The following SPATA6L variants were observed in gnomAD, a reference collection of about 807,000 sequenced individuals.
The protein encoded by SPATA6L is spermatogenesis associated 6-like protein.
SPATA6L carries 68 observed loss-of-function variants against 49.2 expected under a neutral mutation model. That is an observed-to-expected ratio of 1.38 (90% confidence interval 1.14 to 1.69). The LOEUF (loss-of-function observed/expected upper bound fraction) is 1.69, where lower values mean the gene tolerates loss of function less well. SPATA6L is among the 40% of genes most tolerant of loss of function. SPATA6L has a pLI of 0.00. For synonymous variants in SPATA6L, 198 were observed against 165.7 expected (o/e 1.19, Z -1.50); for missense variants, 668 against 464.3 (o/e 1.44, Z -4.03).
chr9:4,616,621 T>C (rs895314176), intron 9 of SPATA6L, among the ~76,000 whole-genome samples: 1 of 152,226 alleles, frequency 6.6e-6, no homozygotes, highest in African/African-American at 2.4e-5. Flanking sequence ...ATTGCGCTCT[T>C]GTTGCCCAGG....
chr9:4,603,721 T>A (rs886392956), intron 11 of SPATA6L, among the ~76,000 whole-genome samples: 1 of 152,152 alleles, frequency 6.6e-6, no homozygotes, highest in East Asian at 1.9e-4. Context: ...AATTGTGTCA[T>A]AATTTATGAA....
Position 4,656,063 on chromosome 9 carries a change from T to G in SPATA6L, c.204A>C (p.Gly68=), listed in dbSNP as rs1838100249. The change falls in exon 3 of 12, where the codon GGA becomes GGC. Residue 68 remains glycine (G), a synonymous_variant. Coordinates refer to ENST00000682582, the MANE Select transcript of SPATA6L (RefSeq NM_001353486.2). ...TACTTTCCAAAAGGTCTACTACAGC[T>G]CCAGGATCTACTGCACTTTCAAATA... ...EKVFESAVDP[G]AVVDLLEMWD... 6.2e-7 allele frequency: 1 copy of G among 1,612,882 alleles called. No individual in the cohort carries two copies. The highest frequency in any genetic ancestry group is 1.3e-5 in the African/African-American group (1 of 74,876).
At chr9:4,609,200 C>T (rs10974649) in intron 9 of SPATA6L, among the ~76,000 whole-genome samples, 80,239 of 150,886 alleles carry the variant, frequency 0.53, 25,932 homozygotes, top group Non-Finnish European at 0.73. Flanking sequence ...GATTCACAGC[C>T]GAATTCTACC....
At chr9:4,610,602 AG>A (rs1826468836) in intron 9 of SPATA6L, among the ~76,000 whole-genome samples, 1 of 151,538 alleles carries the variant, frequency 6.6e-6, no homozygotes. Context: ...ATATGTAGAA[AG>A]CTGAAACTGG....
Position 4,662,769 on chromosome 9 carries a change from C to A in SPATA6L, c.40-733G>T, listed in dbSNP as rs759141287. 1.8e-5 allele frequency: 29 copies of A among 1,604,942 alleles called. No individual in the cohort carries two copies. The highest frequency in any genetic ancestry group is 1.9e-5 in the Non-Finnish European group (22 of 1,179,948). On this transcript the variant is annotated intron_variant, in intron 1 of 11. Transcript: ENST00000682582. The surrounding 1 kb of genome is among the most constrained non-coding windows in gnomAD (Gnocchi z 4.9). ...GAGCTCGTCGTGGGGCAGCGTGCGA[C>A]CCCTTATGAAGCTGCTGGAGATCTC...
intron 11 of SPATA6L, among the ~76,000 whole-genome samples, chr9:4,601,747 T>C (rs1268329100): frequency 6.6e-6 from 1 of 152,188 alleles, no homozygotes; most frequent in African/African-American, 2.4e-5. Context: ...CTGGGACACG[T>C]AGTGGGAGCC....
intron 13 of SPATA6L, among the ~76,000 whole-genome samples, chr9:4,591,562 C>A (rs762807502): frequency 1.3e-5 from 2 of 152,180 alleles, no homozygotes; most frequent in South Asian, 4.1e-4. Flanking sequence ...CTTCTGTCTT[C>A]CCAGCATGCC....
chr9:4,600,493 C>CAGAGAGAGAAAGAGAGAGAGAGAG lies in SPATA6L; in HGVS notation c.*317_*318insCTCTCTCTCTCTCTTTCTCTCTCT, dbSNP rs1822967406. 9.7e-5 allele frequency: 13 copies of CAGAGAGAGAAAGAGAGAGAGAGAG among 133,794 alleles called. 1 individual carries two copies. Among genetic ancestry groups the CAGAGAGAGAAAGAGAGAGAGAGAG allele is most frequent in the Admixed American group, 9.2e-4 (12 of 12,986 alleles). The allele number at this position is 133,794 out of a possible 1,614,324, so 8.3% of individuals were successfully genotyped here. A position where few individuals can be genotyped will look rare whatever the true frequency, so the allele number is the denominator to read the frequency against. ...AGAGACAGAGAGAGCCAGAGAGAGC[C>CAGAGAGAGAAAGAGAGAGAGAGAG]AGAGAGAGAGAGAGGGGAAGTGTTC... On this transcript the variant is annotated 3_prime_UTR_variant, in exon 12 of 12. Transcript: ENST00000682582.
intron 13 of SPATA6L, among the ~76,000 whole-genome samples, chr9:4,590,143 C>G (rs1478157889): frequency 6.6e-6 from 1 of 152,168 alleles, no homozygotes; most frequent in African/African-American, 2.4e-5. Context: ...AGGCTGGTCT[C>G]AAACTCCTGA....
At chr9:4,622,968 A>G (rs929571921) in intron 6 of SPATA6L, among the ~76,000 whole-genome samples, 3 of 139,604 alleles carry the variant, frequency 2.1e-5, no homozygotes, top group Admixed American at 7.0e-5. Context: ...CCGAGTATCT[A>G]CATTTTTGAA....
At chr9:4,605,277 G>C (rs1050129325) in intron 10 of SPATA6L, 70 bp downstream of exon 10, 2 of 1,194,706 alleles carry the variant, frequency 1.7e-6, no homozygotes, top group East Asian at 2.3e-5. Context: ...CTGTCTCCCC[G>C]ACTAGACTGT....
At position 4,629,128 on chromosome 9, in the gene SPATA6L, A is replaced by T; in HGVS notation, c.392T>A (p.Ile131Asn). ...TCTATGCAGAAACACACATTCTCTG[A>T]TGGCTGTCCTTGTAGAAAACTCTAT... Reference protein sequence around the residue: ...PKIEFSTRTAIRECVFLHRNR... With the variant: ...PKIEFSTRTANRECVFLHRNR... Residue 131 changes from isoleucine (I) to asparagine (N), a missense_variant, in exon 5 of 12, where the codon ATC becomes AAC. By Grantham distance (149) the Ile-to-Asn change is moderately radical. Transcript: ENST00000682582. The T allele has an allele frequency of 1.9e-6, 3 of 1,611,972 alleles. No homozygotes were observed. Among genetic ancestry groups the T allele is most frequent in the Non-Finnish European group, 2.5e-6 (3 of 1,179,248 alleles).
At chr9:4,593,609 C>T (rs1438479467), downstream of SPATA6L, among the ~76,000 whole-genome samples, 1 of 152,170 alleles carries the variant, frequency 6.6e-6, no homozygotes, top group Non-Finnish European at 1.5e-5. Flanking sequence ...TAATCCCCTA[C>T]AGTCGGGCTT....
intron 4 of SPATA6L, among the ~76,000 whole-genome samples, chr9:4,634,454 T>G (rs1832350012): frequency 6.6e-6 from 1 of 152,180 alleles, no homozygotes; most frequent in Non-Finnish European, 1.5e-5. Context: ...TGCTGTTTGA[T>G]GTATTAGAAG....
intron 2 of SPATA6L, among the ~76,000 whole-genome samples, chr9:4,659,764 C>T (rs1839176311): frequency 6.6e-6 from 1 of 152,172 alleles, no homozygotes; most frequent in Non-Finnish European, 1.5e-5. Flanking sequence ...CATCACGCTA[C>T]CTGACTTCAA....
Position 4,613,236 on chromosome 9 carries a change from AAAAGAAAGAAAG to A in SPATA6L, c.995+4675_995+4686del, listed in dbSNP as rs560242149. Among the ~76,000 whole-genome samples, 5 of 151,738 alleles carry A rather than the reference AAAAGAAAGAAAG, an allele frequency of 3.3e-5. 1 individual carries two copies. The highest frequency in any genetic ancestry group is 9.7e-5 in the African/African-American group (4 of 41,176). On this transcript the variant is annotated intron_variant, in intron 9 of 11. Transcript: ENST00000682582. ...TAGCAAGATTCTATCTCAAAAAAAA[AAAAGAAAGAAAG>A]AAAGAAAGAAAATGATTCTCTTTAA...
At chr9:4,651,249 T>C (rs1836782463) in intron 3 of SPATA6L, among the ~76,000 whole-genome samples, 1 of 152,096 alleles carries the variant, frequency 6.6e-6, no homozygotes, top group Non-Finnish European at 1.5e-5. Context: ...TTTATGCCAA[T>C]GAATTAGATA....
Position 4,662,074 on chromosome 9 carries a change from A to G in SPATA6L, c.40-38T>C. On this transcript the variant is annotated intron_variant, in intron 1 of 11. Transcript: ENST00000682582. The surrounding 1 kb of genome is among the most constrained non-coding windows in gnomAD (Gnocchi z 4.9). ...GAAAACAACAAACAAGGGAGAGAAAACAGACTTTGCTTTGTTTTGTTACAC... is the reference window on the plus strand; with the variant it reads ...GAAAACAACAAACAAGGGAGAGAAAGCAGACTTTGCTTTGTTTTGTTACAC... The G allele has an allele frequency of 1.2e-6, 2 of 1,607,658 alleles. No individual in the cohort carries two copies. The highest frequency in any genetic ancestry group is 1.7e-6 in the Non-Finnish European group (2 of 1,176,686).
chr9:4,595,538 T>G (rs561609403), downstream of SPATA6L, among the ~76,000 whole-genome samples: 1 of 152,330 alleles, frequency 6.6e-6, no homozygotes, highest in Admixed American at 6.5e-5. Flanking sequence ...CCTGAATATT[T>G]AGGACACTTC....
Sources: gnomAD v4.1 joint callset for allele counts (sites outside exome capture counted in the v4.1 genomes callset) on GRCh38, gnomAD v4.1.1 for gene constraint, Gnocchi (gnomAD v3.1) non-coding constraint, MANE v1.5 for transcripts, NCBI Gene and HGNC (gene_info 2026-07-23, HGNC 2026-07-21) for gene names.